Variants in KCNB2 observed in about 807,000 individuals in gnomAD.
KCNB2 encodes the protein delayed rectifier potassium channel protein.
KCNB2 carries 15 observed loss-of-function variants against 61.5 expected under a neutral mutation model. The observed-to-expected ratio is 0.24, with a 90% CI of 0.16 to 0.38. The LOEUF (loss-of-function observed/expected upper bound fraction) is 0.38. KCNB2 is among the 10% of genes least tolerant of loss of function. KCNB2 has a pLI of 1.00. For missense variants in KCNB2, 828 were observed against 1,125.2 expected (o/e 0.74, Z 3.78); for synonymous variants, 457 against 446.0 (o/e 1.02, Z -0.31).
intron 2 of KCNB2, among the ~76,000 whole-genome samples, chr8:72,653,313 C>T (rs1366860358): frequency 6.6e-6 from 1 of 152,058 alleles, no homozygotes; most frequent in African/African-American, 2.4e-5. Context: ...ATATTTTTCA[C>T]CTGGCAGGAC....
intron 2 of KCNB2, among the ~76,000 whole-genome samples, chr8:72,761,488 T>C (rs1808379417): frequency 6.6e-6 from 1 of 152,192 alleles, no homozygotes; most frequent in Non-Finnish European, 1.5e-5. Context: ...AGGATAAGCA[T>C]TGTTCTGTCA....
At chr8:72,696,064 A>G (rs879343574) in intron 2 of KCNB2, among the ~76,000 whole-genome samples, 3 of 152,214 alleles carry the variant, frequency 2.0e-5, no homozygotes, top group Non-Finnish European at 4.4e-5. Context: ...AGAGTCATCT[A>G]TTGGAGGCAG....
At chr8:72,583,343 A>T (rs1806936873) in intron 2 of KCNB2, among the ~76,000 whole-genome samples, 2 of 152,212 alleles carry the variant, frequency 1.3e-5, no homozygotes. Context: ...ATCTTCTAAG[A>T]ATTTTAATGA....
chr8:72,898,464 T>C (rs1806028667), intron 2 of KCNB2, among the ~76,000 whole-genome samples: 1 of 151,942 alleles, frequency 6.6e-6, no homozygotes, highest in Non-Finnish European at 1.5e-5. Flanking sequence ...AAAAAAACAT[T>C]GGAAAGCTGA....
chr8:72,592,445 T>C (rs1563532594), intron 2 of KCNB2, among the ~76,000 whole-genome samples: 1 of 129,354 alleles, frequency 7.7e-6, no homozygotes, highest in Non-Finnish European at 1.7e-5. Context: ...GGGTTAGAAT[T>C]ATCAACTCTG....
intron 2 of KCNB2, chr8:72,619,336 C>T: frequency 1.7e-6 from 1 of 592,606 alleles, no homozygotes; most frequent in South Asian, 1.4e-5. Flanking sequence ...ATGAGAAGGT[C>T]TTGAAGAGGC....
chr8:72,829,860 A>G (rs998305994), intron 2 of KCNB2, among the ~76,000 whole-genome samples: 28 of 152,104 alleles, frequency 1.8e-4, no homozygotes, highest in Admixed American at 1.8e-3. Flanking sequence ...CTCGGCCTTC[A>G]TAACCATCAA....
At position 72,689,760 on chromosome 8, in the gene KCNB2, A is replaced by G. The variant is rs563244845; in HGVS notation, c.579+121447A>G. ...CCTTTTTATTACCCGATAGCATTCCATTATAGAATATATCGCATTTTATCC... is the reference window on the plus strand; with the variant it reads ...CCTTTTTATTACCCGATAGCATTCCGTTATAGAATATATCGCATTTTATCC... On this transcript the variant is annotated intron_variant, in intron 2 of 2. Coordinates refer to ENST00000523207, the MANE Select transcript of KCNB2 (RefSeq NM_004770.3). 5.9e-5 allele frequency among the ~76,000 whole-genome samples: 9 copies of G among 152,278 alleles called. No individual in the cohort carries two copies. The South Asian group carries it at 1.7e-3, about 28-fold the overall frequency.
intron 2 of KCNB2, among the ~76,000 whole-genome samples, chr8:72,887,988 T>A (rs200373510): frequency 6.6e-6 from 1 of 152,252 alleles, no homozygotes; most frequent in Admixed American, 6.5e-5. Flanking sequence ...CACCTGTGTG[T>A]CTTGTCTCCC....
At chr8:72,540,250 G>A (rs1760442038) in intron 1 of KCNB2, among the ~76,000 whole-genome samples, 1 of 151,890 alleles carries the variant, frequency 6.6e-6, no homozygotes. Flanking sequence ...TTTAAAACTT[G>A]CTATCTCTTA....
rs563006595 is a variant in KCNB2, at chr8:72,730,794, T to C, written c.579+162481T>C. Reference sequence around the variant, plus strand: ...GTAATTAAGCCCAATGTTGAACTACTGAAGACCAGCCAACTTGGACAATTT... The same window carrying C: ...GTAATTAAGCCCAATGTTGAACTACCGAAGACCAGCCAACTTGGACAATTT... On this transcript the variant is annotated intron_variant, in intron 2 of 2. Transcript: ENST00000523207. 2.0e-5 allele frequency among the ~76,000 whole-genome samples: 3 copies of C among 152,334 alleles called. No individual in the cohort carries two copies. In the South Asian group the frequency reaches 6.2e-4, roughly 32 times the overall value.
rs957967167 is a variant in KCNB2, at chr8:72,755,695, G to A, written c.580-180240G>A. Among the ~76,000 whole-genome samples, 6 of 152,136 alleles carry A rather than the reference G, an allele frequency of 3.9e-5. No individual in the cohort carries two copies. The East Asian group carries it at 5.8e-4, about 15-fold the overall frequency. On this transcript the variant is annotated intron_variant, in intron 2 of 2. Coordinates refer to ENST00000523207, the MANE Select transcript of KCNB2 (RefSeq NM_004770.3). ...AGTACACAATTCTAGAATCCAAGAG[G>A]TCTTAGTTGTCATTTGTACCCAGTG...
chr8:72,659,857 T>C (rs1806350922), intron 2 of KCNB2, among the ~76,000 whole-genome samples: 2 of 152,216 alleles, frequency 1.3e-5, no homozygotes, highest in African/African-American at 2.4e-5. Flanking sequence ...GCACACTTCA[T>C]AGTATAGTGT....
At chr8:72,588,378 C>T (rs746740334) in intron 2 of KCNB2, among the ~76,000 whole-genome samples, 20 of 151,988 alleles carry the variant, frequency 1.3e-4, no homozygotes, top group Admixed American at 9.2e-4. Context: ...ACCACCACGC[C>T]GGCTAATTTT....
intron 2 of KCNB2, among the ~76,000 whole-genome samples, chr8:72,898,090 T>C (rs1045665221): frequency 6.6e-6 from 1 of 152,168 alleles, no homozygotes; most frequent in Non-Finnish European, 1.5e-5. Flanking sequence ...TCAAAGTCTG[T>C]TTTTTAATGG....
chr8:72,816,992 A>G (rs1283240508), intron 2 of KCNB2, among the ~76,000 whole-genome samples: 1 of 152,182 alleles, frequency 6.6e-6, no homozygotes, highest in African/African-American at 2.4e-5. Flanking sequence ...TGAAAAGATC[A>G]TTGAATTCTG....
Position 72,836,860 on chromosome 8 carries a change from T to C in KCNB2, c.580-99075T>C, listed in dbSNP as rs543158184. On this transcript the variant is annotated intron_variant, in intron 2 of 2. Coordinates refer to ENST00000523207, the MANE Select transcript of KCNB2 (RefSeq NM_004770.3). ...AGGAAGTTGAAACTGCAATGAGCCA[T>C]GTTTGTGCCACTACACTCCAGCCTG... Among the ~76,000 whole-genome samples the C allele has an allele frequency of 3.3e-5, 5 of 152,338 alleles. No individual in the cohort carries two copies. In the East Asian group the frequency reaches 9.6e-4, roughly 29 times the overall value.
chr8:72,687,290 GT>G (rs1030643166), intron 2 of KCNB2, among the ~76,000 whole-genome samples: 1 of 152,184 alleles, frequency 6.6e-6, no homozygotes, highest in African/African-American at 2.4e-5. Flanking sequence ...GGAACAGTGT[GT>G]TTTTCTTTCA....
At chr8:72,801,407 G>T (rs1809123656) in intron 2 of KCNB2, among the ~76,000 whole-genome samples, 4 of 152,168 alleles carry the variant, frequency 2.6e-5, no homozygotes, top group Admixed American at 1.3e-4. Context: ...AATGTATATT[G>T]TACCCATTGT....
Sources: allele counts gnomAD v4.1 joint callset (sites outside exome capture counted in the v4.1 genomes callset), GRCh38; gene constraint gnomAD v4.1.1; transcripts MANE v1.5; gene names NCBI Gene and HGNC (gene_info 2026-07-23, HGNC 2026-07-21).